Variants in EIF2S2 observed in about 807,000 individuals in gnomAD.
EIF2S2 encodes eukaryotic translation initiation factor 2 subunit 2.
In EIF2S2, 4 loss-of-function variants were observed where a neutral mutation model predicts 44.0. The ratio of observed to expected loss-of-function variants is 0.09; its 90% confidence interval spans 0.04 to 0.21. The LOEUF is 0.21. Ranked by LOEUF, EIF2S2 falls within the 10% of genes least tolerant of loss-of-function variation. EIF2S2 has a pLI of 1.00. For synonymous variants in EIF2S2, 108 were observed against 128.3 expected (o/e 0.84, Z 1.07); for missense variants, 154 against 392.0 (o/e 0.39, Z 5.13).
At chr20:34,108,983 G>A (rs1260565106) in intron 1 of EIF2S2, among the ~76,000 whole-genome samples, 2 of 151,558 alleles carry the variant, frequency 1.3e-5, no homozygotes, top group Non-Finnish European at 2.9e-5. Flanking sequence ...TGTTGCCCAG[G>A]CTGAAATGTA....
At chr20:34,105,717 G>A (rs999683140) in intron 1 of EIF2S2, among the ~76,000 whole-genome samples, 172 bp from the exon 2 acceptor site, 1 of 152,086 alleles carries the variant, frequency 6.6e-6, no homozygotes, top group African/African-American at 2.4e-5. Context: ...CAACCTTCTT[G>A]TTACTATTAA....
chr20:34,097,776 ACAAAT>A (rs568430932), intron 4 of EIF2S2, among the ~76,000 whole-genome samples: 68 of 152,354 alleles, frequency 4.5e-4, no homozygotes, highest in Admixed American at 7.2e-4. Context: ...TCTTAATTTA[ACAAAT>A]CAAAGATAAA....
rs368995091 is a variant in EIF2S2, at chr20:34,097,382, G to A, written c.534+34C>T. Reference sequence around the variant, plus strand: ...GCTCTTCTTTGAGCACTAGTGAATAGCTTAGCCCCTTTTCACAACAGATTT... The same window carrying A: ...GCTCTTCTTTGAGCACTAGTGAATAACTTAGCCCCTTTTCACAACAGATTT... On this transcript the variant is annotated intron_variant, in intron 5 of 8. Transcript: ENST00000374980. 6 of 1,555,848 alleles carry A rather than the reference G, an allele frequency of 3.9e-6. No homozygotes were observed. The African/African-American group carries it at 4.1e-5, about 11-fold the overall frequency.
chr20:34,111,357 A>G lies in EIF2S2; in HGVS notation c.15+739T>C, dbSNP rs556921958. 1.3e-3 allele frequency among the ~76,000 whole-genome samples: 192 copies of G among 152,304 alleles called. 1 individual carries two copies. Among genetic ancestry groups the G allele is most frequent in the African/African-American group, 4.5e-3 (186 of 41,560 alleles). ...ACTTCATTTTAAGTCGTTAGACGTT[A>G]TATCAACTAGGATAAATCTGAGGGA... On this transcript the variant is annotated intron_variant, in intron 1 of 8. Coordinates refer to ENST00000374980, the MANE Select transcript of EIF2S2 (RefSeq NM_003908.5).
At chr20:34,102,704 A>G (rs1325389864) in intron 3 of EIF2S2, among the ~76,000 whole-genome samples, 1 of 152,170 alleles carries the variant, frequency 6.6e-6, no homozygotes, top group Admixed American at 6.5e-5. Flanking sequence ...TGCGCGCTCT[A>G]TGTGAGTGAG....
intron 1 of EIF2S2, among the ~76,000 whole-genome samples, chr20:34,108,781 C>T (rs1159416465): frequency 6.6e-6 from 1 of 152,116 alleles, no homozygotes; most frequent in Non-Finnish European, 1.5e-5. Context: ...TCATACCTTA[C>T]CCAAGAAATC....
chr20:34,091,449 C>T (rs2034161439), intron 7 of EIF2S2, among the ~76,000 whole-genome samples: 1 of 152,088 alleles, frequency 6.6e-6, no homozygotes, highest in African/African-American at 2.4e-5. Context: ...GGTGTGGTGG[C>T]TCACGCCTGT....
intron 6 of EIF2S2, among the ~76,000 whole-genome samples, chr20:34,095,128 GAACTGTTAA>G (rs2122400393): frequency 6.6e-6 from 1 of 152,270 alleles, no homozygotes; most frequent in East Asian, 1.9e-4. Context: ...CCAACTTATG[GAACTGTTAA>G]AATATGTTGT....
intron 7 of EIF2S2, among the ~76,000 whole-genome samples, chr20:34,091,970 C>G (rs997745314): frequency 7.9e-5 from 12 of 152,148 alleles, no homozygotes; most frequent in Non-Finnish European, 1.3e-4. Context: ...GTCAATGGTA[C>G]TTAATGATAA....
chr20:34,105,160 T>C (rs1364664370), intron 2 of EIF2S2, among the ~76,000 whole-genome samples: 1 of 152,210 alleles, frequency 6.6e-6, no homozygotes, highest in Non-Finnish European at 1.5e-5. Flanking sequence ...CAAGGTTTCA[T>C]CTTTGCAACT....
At chr20:34,101,675 C>CT (rs891453441) in intron 3 of EIF2S2, among the ~76,000 whole-genome samples, 14,429 of 132,386 alleles carry the variant, frequency 0.11, 888 homozygotes, top group East Asian at 0.19. Flanking sequence ...AAGTATTTTT[C>CT]TTTTTTTTTT....
intron 5 of EIF2S2, 55 bp downstream of exon 5, chr20:34,097,358 CTCT>C (rs1454896165): frequency 3.0e-5 from 42 of 1,402,298 alleles, no homozygotes; most frequent in Non-Finnish European, 3.8e-5. Context: ...ATTTATCTTG[CTCT>C]TCTTTGAGCA....
chr20:34,094,280 A>G (rs1228489814), intron 6 of EIF2S2, among the ~76,000 whole-genome samples: 2 of 152,244 alleles, frequency 1.3e-5, no homozygotes, highest in Non-Finnish European at 2.9e-5. Context: ...GATGGAAAAC[A>G]TCAACACCGA....
chr20:34,108,864 T>A (rs1294116097), intron 1 of EIF2S2, among the ~76,000 whole-genome samples: 1 of 151,852 alleles, frequency 6.6e-6, no homozygotes, highest in African/African-American at 2.4e-5. Flanking sequence ...AAGACATTGA[T>A]CTAAAAGTTC....
chr20:34,103,423 A>G (rs1287350996), intron 3 of EIF2S2, 39 bp downstream of exon 3: 2 of 1,510,874 alleles, frequency 1.3e-6, no homozygotes, highest in Non-Finnish European at 8.9e-7. Context: ...CAACCTTGCA[A>G]GAGGTCAAAT....
At chr20:34,099,081 CGGCAGA>C (rs1331945916) in intron 3 of EIF2S2, among the ~76,000 whole-genome samples, 1 of 152,100 alleles carries the variant, frequency 6.6e-6, no homozygotes, top group African/African-American at 2.4e-5. Flanking sequence ...GTCAGAATCA[CGGCAGA>C]GGCCAGGCGT....
rs184764260 is a variant in EIF2S2 at position 34,092,562 on chromosome 20, G to A, written c.740+1113C>T. Among the ~76,000 whole-genome samples the A allele has an allele frequency of 3.2e-4, 48 of 152,334 alleles. No homozygotes were observed. The East Asian group carries it at 6.5e-3, about 21-fold the overall frequency. ...GGGCGCCTGTAGTCCCAGCTACTCA[G>A]GAGGCTGAGGCAGGAGAATGGCATG... On this transcript the variant is annotated intron_variant, in intron 7 of 8. Transcript: ENST00000374980.
intron 3 of EIF2S2, among the ~76,000 whole-genome samples, chr20:34,101,011 A>T (rs1478603314): frequency 6.6e-6 from 1 of 152,170 alleles, no homozygotes; most frequent in Admixed American, 6.5e-5. Context: ...GTGTGTGCCT[A>T]CATCCTGACC....
At chr20:34,093,509 AG>A (rs2034191754) in intron 7 of EIF2S2, among the ~76,000 whole-genome samples, 165 bp downstream of exon 7, 1 of 152,344 alleles carries the variant, frequency 6.6e-6, no homozygotes, top group East Asian at 1.9e-4. Flanking sequence ...ATTCCTAAGC[AG>A]CCAAGCTCTC....
Sources: allele counts gnomAD v4.1 joint callset (sites outside exome capture counted in the v4.1 genomes callset), GRCh38; gene constraint gnomAD v4.1.1; transcripts MANE v1.5; gene names NCBI Gene and HGNC (gene_info 2026-07-23, HGNC 2026-07-21).